CD44: variants seen among roughly 807,000 people sequenced by gnomAD.
CD44 encodes CD44 molecule (IN blood group), also known as CD44 antigen.
Under a neutral mutation model 88.8 loss-of-function variants are expected in CD44, and 49 were observed. The observed-to-expected ratio is 0.55, with a 90% confidence interval of 0.44 to 0.70. CD44 has a LOEUF of 0.70. Among genes scored for constraint, CD44 ranks in the 30% least tolerant of loss-of-function variants. The pLI, the probability that CD44 is intolerant of heterozygous loss-of-function variation, is 0.00. For synonymous variants in CD44, 325 were observed against 312.3 expected, an observed-to-expected ratio of 1.04 and a Z score of -0.43; for missense variants, 883 against 913.8, an observed-to-expected ratio of 0.97 and a Z score of 0.43.
intron 2 of CD44, 40 bp from the exon 3 acceptor site, chr11:35,180,234 T>A: frequency 6.2e-7 from 1 of 1,607,554 alleles, no homozygotes; most frequent in South Asian, 1.1e-5. Context: ...ATTCCCATCT[T>A]AGCCATTTAG....
chr11:35,228,738 G>A (rs373044499), intron 17 of CD44, among the ~76,000 whole-genome samples: 1 of 152,162 alleles, frequency 6.6e-6, no homozygotes, highest in Admixed American at 6.6e-5. Flanking sequence ...TTAGTTGCTG[G>A]TTTGCAAACT....
intron 9 of CD44, 23 bp downstream of exon 9, chr11:35,201,810 G>C: frequency 1.2e-6 from 2 of 1,612,006 alleles, no homozygotes; most frequent in Admixed American, 1.7e-5. Context: ...GCGGTCGGCA[G>C]TTCTGGGTTA....
At chr11:35,215,127 C>T in intron 15 of CD44, 1 of 395,866 alleles carries the variant, frequency 2.5e-6, no homozygotes, top group Non-Finnish European at 4.5e-6. Flanking sequence ...CAAGCATTTG[C>T]ATTTCTAATC....
chr11:35,208,213 A>T lies in CD44; in HGVS notation c.1516+7A>T, dbSNP rs559828877. On this transcript the variant is annotated splice_region_variant and intron_variant, in intron 12 of 17. Transcript: ENST00000428726. ...CCTCTTTCAATGACAACGCGTAAGA[A>T]TAACGATGCTCAGCCACTTTATTGA... is the stretch of plus-strand genomic sequence containing the variant. The T allele has an allele frequency of 3.5e-5, 55 of 1,571,708 alleles. No individual in the cohort carries two copies. In the South Asian group the frequency reaches 5.8e-4, roughly 16 times the overall value.
In CD44 at chr11:35,189,926, T is replaced by C. The variant is rs760586813; in HGVS notation, c.528T>C (p.Asp176=). The C allele has an allele frequency of 1.2e-6, 2 of 1,614,152 alleles. No homozygotes were observed. Among genetic ancestry groups the C allele is most frequent in the Non-Finnish European group, 8.5e-7 (1 of 1,180,012 alleles). The part of the protein sequence containing the change: ...EDIYPSNPTD[D]DVSSGSSSER... ...TCTACCCCAGCAACCCTACTGATGA[T>C]GACGTGAGCAGCGGCTCCTCCAGTG... is the stretch of plus-strand genomic sequence containing the variant. Residue 176 remains aspartate (D), a synonymous_variant, in exon 5 of 18, where the codon GAT becomes GAC. Coordinates refer to ENST00000428726, the MANE Select transcript of CD44 (RefSeq NM_000610.4).
At chr11:35,223,530 C>G (rs1949473264) in intron 17 of CD44, among the ~76,000 whole-genome samples, 1 of 152,164 alleles carries the variant, frequency 6.6e-6, no homozygotes, top group Non-Finnish European at 1.5e-5. Context: ...TCGTCTGTGT[C>G]TTGTCAGCAG....
At chr11:35,222,438 G>T (rs1483725694) in intron 17 of CD44, 3 of 1,288,176 alleles carry the variant, frequency 2.3e-6, no homozygotes, top group Admixed American at 2.4e-5. Context: ...CTGTTAGGAG[G>T]TCTATGAAGC....
intron 1 of CD44, among the ~76,000 whole-genome samples, chr11:35,146,733 T>C (rs1036994050): frequency 6.6e-6 from 1 of 152,200 alleles, no homozygotes; most frequent in Non-Finnish European, 1.5e-5. Context: ...GTTAGAGTGC[T>C]TCTCTTGGTA....
intron 17 of CD44, among the ~76,000 whole-genome samples, chr11:35,226,244 C>T (rs747839608): frequency 1.2e-4 from 18 of 152,188 alleles, no homozygotes; most frequent in South Asian, 2.1e-4. Context: ...AGATCAGCTT[C>T]GTTTAGATTA....
intron 17 of CD44, among the ~76,000 whole-genome samples, chr11:35,228,253 G>A (rs939000331): frequency 6.6e-6 from 1 of 152,188 alleles, no homozygotes; most frequent in African/African-American, 2.4e-5. Context: ...AGTAATGTTT[G>A]AGAAACCTTA....
chr11:35,160,053 G>A (rs903160514), intron 1 of CD44, among the ~76,000 whole-genome samples: 1 of 152,186 alleles, frequency 6.6e-6, no homozygotes, highest in Admixed American at 6.5e-5. Context: ...GGGCAATGGG[G>A]CCTCCAAGGC....
chr11:35,188,112 A>G (rs1945876270), intron 4 of CD44, among the ~76,000 whole-genome samples: 1 of 152,248 alleles, frequency 6.6e-6, no homozygotes, highest in Admixed American at 6.5e-5. Flanking sequence ...GAAACAGTAC[A>G]GTGTTGAGAG....
intron 15 of CD44, among the ~76,000 whole-genome samples, chr11:35,216,622 A>G (rs1035831103): frequency 1.3e-5 from 2 of 152,162 alleles, no homozygotes; most frequent in Non-Finnish European, 2.9e-5. Flanking sequence ...TTGTTAGTAA[A>G]AAGGAGATCA....
intron 7 of CD44, among the ~76,000 whole-genome samples, chr11:35,199,251 A>G (rs1437210883): frequency 6.6e-6 from 1 of 152,238 alleles, no homozygotes; most frequent in Non-Finnish European, 1.5e-5. Flanking sequence ...GACAATTATA[A>G]AACTTTTTGA....
At chr11:35,172,785 C>T (rs1351929469) in intron 1 of CD44, among the ~76,000 whole-genome samples, 1 of 151,974 alleles carries the variant, frequency 6.6e-6, no homozygotes, top group African/African-American at 2.4e-5. Flanking sequence ...ATGTCTTATC[C>T]TTGTTAGTGC....
chr11:35,169,578 G>T (rs1283254492), intron 1 of CD44, among the ~76,000 whole-genome samples: 1 of 152,174 alleles, frequency 6.6e-6, no homozygotes, highest in Non-Finnish European at 1.5e-5. Context: ...GAAAGTTTGG[G>T]AAGACGTAGA....
intron 17 of CD44, 71 bp from the exon 18 acceptor site, chr11:35,229,058 C>T: frequency 8.2e-7 from 1 of 1,220,758 alleles, no homozygotes; most frequent in Non-Finnish European, 1.2e-6. Context: ...TGATGGTGCT[C>T]AGTAAGGATG....
intron 3 of CD44, among the ~76,000 whole-genome samples, chr11:35,186,437 T>G (rs1172723588): frequency 6.6e-6 from 1 of 152,220 alleles, no homozygotes; most frequent in African/African-American, 2.4e-5. Flanking sequence ...TTAAATTTTT[T>G]TACAATGTTC....
At chr11:35,147,210 G>A (rs540733546) in intron 1 of CD44, among the ~76,000 whole-genome samples, 2 of 152,306 alleles carry the variant, frequency 1.3e-5, no homozygotes, top group Admixed American at 1.3e-4. Context: ...CAATCAAATA[G>A]CAGCAAAATA....
Sources: gnomAD v4.1 joint callset for allele counts (sites outside exome capture counted in the v4.1 genomes callset) on GRCh38, gnomAD v4.1.1 for gene constraint, MANE v1.5 for transcripts, NCBI Gene and HGNC (gene_info 2026-07-23, HGNC 2026-07-21) for gene names.